The following ATP8A1 variants were observed in gnomAD, a reference collection of about 807,000 sequenced individuals.
The protein encoded by ATP8A1 is phospholipid-transporting ATPase IA.
ATP8A1 carries 90 observed loss-of-function variants against 177.7 expected under a neutral mutation model. The observed-to-expected ratio is 0.51, with a 90% confidence interval of 0.43 to 0.60. The LOEUF is 0.60. ATP8A1 is among the 20% of genes least tolerant of loss of function. The probability of loss-of-function intolerance (pLI) is 0.00; values close to 1 mark genes in which losing one functional copy is unlikely to be tolerated. For missense variants in ATP8A1, 1,072 were observed against 1,392.8 expected, an observed-to-expected ratio of 0.77 and a Z score of 3.67; for synonymous variants, 493 against 485.9, an observed-to-expected ratio of 1.01 and a Z score of -0.19.
At chr4:42,478,444 T>TC (rs1721309526) in intron 25 of ATP8A1, among the ~76,000 whole-genome samples, 1 of 152,222 alleles carries the variant, frequency 6.6e-6, no homozygotes, top group South Asian at 2.1e-4. Flanking sequence ...TAGATATTTT[T>TC]CACAGAATCA....
chr4:42,473,424 C>T (rs377341714), intron 25 of ATP8A1, among the ~76,000 whole-genome samples: 1 of 152,046 alleles, frequency 6.6e-6, no homozygotes, highest in Non-Finnish European at 1.5e-5. Flanking sequence ...GGGAGCCTTG[C>T]CAATGGGACT....
chr4:42,567,880 G>A (rs1053747081), intron 15 of ATP8A1, among the ~76,000 whole-genome samples: 2 of 152,100 alleles, frequency 1.3e-5, no homozygotes, highest in Admixed American at 6.5e-5. Flanking sequence ...AGAAAAATAT[G>A]GAGAAGGCAA....
intron 22 of ATP8A1, among the ~76,000 whole-genome samples, chr4:42,509,419 G>A (rs1331418754): frequency 6.6e-6 from 1 of 152,198 alleles, no homozygotes; most frequent in Non-Finnish European, 1.5e-5. Flanking sequence ...AACAGTCCCC[G>A]CTATAGCGGC....
intron 22 of ATP8A1, among the ~76,000 whole-genome samples, chr4:42,512,544 A>G (rs1322023156): frequency 2.0e-5 from 3 of 152,126 alleles, no homozygotes; most frequent in African/African-American, 7.2e-5. Context: ...TGAAATTTAT[A>G]TTTCAGAAAG....
At chr4:42,437,612 T>C (rs1050459084) in intron 33 of ATP8A1, among the ~76,000 whole-genome samples, 1 of 152,210 alleles carries the variant, frequency 6.6e-6, no homozygotes, top group Non-Finnish European at 1.5e-5. Flanking sequence ...ACCCCCGATA[T>C]CGTAATTCCT....
At chr4:42,507,326 A>C (rs982751350) in intron 22 of ATP8A1, among the ~76,000 whole-genome samples, 172 bp from the exon 23 acceptor site, 1 of 152,214 alleles carries the variant, frequency 6.6e-6, no homozygotes, top group Non-Finnish European at 1.5e-5. Context: ...ACTTTCATGC[A>C]GTCTTTAGGC....
chr4:42,602,390 C>T (rs1735374348), intron 5 of ATP8A1, among the ~76,000 whole-genome samples: 2 of 152,176 alleles, frequency 1.3e-5, no homozygotes, highest in South Asian at 4.1e-4. Context: ...TCAAAACAGC[C>T]TCCGGTAGAA....
At chr4:42,645,391 A>G (rs1012649397) in intron 1 of ATP8A1, among the ~76,000 whole-genome samples, 2 of 152,138 alleles carry the variant, frequency 1.3e-5, no homozygotes, top group Non-Finnish European at 2.9e-5. Context: ...CTCGCAACCT[A>G]TATAGTTGTA....
chr4:42,468,186 A>G (rs985156925), intron 25 of ATP8A1, among the ~76,000 whole-genome samples: 2 of 152,192 alleles, frequency 1.3e-5, no homozygotes, highest in Admixed American at 1.3e-4. Context: ...TTAAAGAACT[A>G]AAAGTAGAAC....
At chr4:42,488,828 T>C (rs1488117084) in intron 24 of ATP8A1, among the ~76,000 whole-genome samples, 1 of 152,180 alleles carries the variant, frequency 6.6e-6, no homozygotes, top group African/African-American at 2.4e-5. Context: ...GTGTAACTCA[T>C]TCTACTGCAG....
chr4:42,566,995 T>A lies in ATP8A1; in HGVS notation c.1340+2166A>T, dbSNP rs146263820. 4.5e-3 allele frequency among the ~76,000 whole-genome samples: 682 copies of A among 152,336 alleles called. 2 individuals are homozygous for A. Among genetic ancestry groups the A allele is most frequent in the Non-Finnish European group, 7.4e-3 (504 of 68,024 alleles). On this transcript the variant is annotated intron_variant, in intron 15 of 36. Transcript: ENST00000381668. The stretch of plus-strand genomic sequence containing the variant: ...TCATCTAATCTTCAAAACCTCCTGA[T>A]GATGCAACTACTATTATTATCTACA...
intron 15 of ATP8A1, among the ~76,000 whole-genome samples, chr4:42,556,936 G>A (rs1303243959): frequency 6.6e-6 from 1 of 152,084 alleles, no homozygotes; most frequent in African/African-American, 2.4e-5. Context: ...ACATTAACAG[G>A]TTACAAAGAG....
chr4:42,515,973 A>G (rs538549084), intron 22 of ATP8A1, among the ~76,000 whole-genome samples: 1 of 152,240 alleles, frequency 6.6e-6, no homozygotes, highest in Non-Finnish European at 1.5e-5. Context: ...GTGATAGCAC[A>G]TTTGATACCA....
At chr4:42,575,825 C>A in intron 12 of ATP8A1, 126 bp from the exon 13 acceptor site, 2 of 768,620 alleles carry the variant, frequency 2.6e-6, no homozygotes, top group Admixed American at 2.3e-5. Flanking sequence ...TATGTAGGCA[C>A]TAATTTCCTG....
chr4:42,539,156 A>G (rs1728131597), intron 20 of ATP8A1, among the ~76,000 whole-genome samples: 1 of 152,152 alleles, frequency 6.6e-6, no homozygotes, highest in African/African-American at 2.4e-5. Context: ...TAACTCAGAA[A>G]TGGGAAACCA....
intron 20 of ATP8A1, among the ~76,000 whole-genome samples, chr4:42,536,413 T>C (rs1350314713): frequency 6.6e-6 from 1 of 152,124 alleles, no homozygotes; most frequent in Non-Finnish European, 1.5e-5. Flanking sequence ...ACCAGGAAGA[T>C]ACAGAATCTC....
chr4:42,637,392 T>C (rs1340972728), intron 1 of ATP8A1, among the ~76,000 whole-genome samples: 1 of 152,188 alleles, frequency 6.6e-6, no homozygotes, highest in Non-Finnish European at 1.5e-5. Context: ...CCCTACCTTC[T>C]TCTCCATCAC....
At chr4:42,618,762 G>A (rs1389939616) in intron 4 of ATP8A1, among the ~76,000 whole-genome samples, 2 of 152,182 alleles carry the variant, frequency 1.3e-5, no homozygotes, top group Non-Finnish European at 2.9e-5. Flanking sequence ...ATAGTGGTAA[G>A]TCTTGTCAGT....
rs1385801764 is a variant in ATP8A1 at position 42,455,436 on chromosome 4, G to A, written c.2695-17C>T. The A allele has an allele frequency of 6.2e-7, 1 of 1,613,516 alleles. No individual in the cohort carries two copies. Among genetic ancestry groups the A allele is most frequent in the Non-Finnish European group, 8.5e-7 (1 of 1,179,738 alleles). On this transcript the variant is annotated splice_polypyrimidine_tract_variant and intron_variant, in intron 28 of 36. Transcript: ENST00000381668. ...TGTAAACATCTAAAGCGCACAAACT[G>A]GTCATTATGTCAAGCAGCCAAATGC...
Sources: gnomAD v4.1 joint callset for allele counts (sites outside exome capture counted in the v4.1 genomes callset) on GRCh38, gnomAD v4.1.1 for gene constraint, MANE v1.5 for transcripts, NCBI Gene and HGNC (gene_info 2026-07-23, HGNC 2026-07-21) for gene names.